The following PLXNA4 variants were observed in gnomAD, a reference collection of about 807,000 sequenced individuals.
PLXNA4 encodes the protein plexin-A4.
PLXNA4 carries 44 observed loss-of-function variants against 191.8 expected under a neutral mutation model. The ratio of observed to expected loss-of-function variants is 0.23; its 90% confidence interval spans 0.18 to 0.29. The LOEUF is 0.29. Ranked by LOEUF, PLXNA4 falls within the 10% of genes least tolerant of loss-of-function variation. The probability of loss-of-function intolerance (pLI) is 1.00; values close to 1 mark genes in which losing one functional copy is unlikely to be tolerated. For synonymous variants in PLXNA4, 1,082 were observed against 1,009.5 expected, an observed-to-expected ratio of 1.07 and a Z score of -1.36; for missense variants, 1,800 against 2,488.8, an observed-to-expected ratio of 0.72 and a Z score of 5.89.
At chr7:132,399,196 G>A (rs533923646) in intron 3 of PLXNA4, among the ~76,000 whole-genome samples, 1 of 152,220 alleles carries the variant, frequency 6.6e-6, no homozygotes, top group Admixed American at 6.5e-5. Context: ...GATTCAAATG[G>A]ATTCAAATGG....
At chr7:132,187,079 G>A (rs1055878781) in intron 15 of PLXNA4, among the ~76,000 whole-genome samples, 13 of 151,726 alleles carry the variant, frequency 8.6e-5, no homozygotes, top group Non-Finnish European at 1.6e-4. Flanking sequence ...CTAGTTCTGC[G>A]ATCCCACCCA....
chr7:132,360,655 C>T (rs922551266), intron 3 of PLXNA4, among the ~76,000 whole-genome samples: 1 of 152,154 alleles, frequency 6.6e-6, no homozygotes, highest in African/African-American at 2.4e-5. Flanking sequence ...GAAGAAGAGG[C>T]CCCAAACCCC....
At chr7:132,141,727 C>CTTTCTTTCTT (rs897740522) in intron 29 of PLXNA4, among the ~76,000 whole-genome samples, 5 of 151,928 alleles carry the variant, frequency 3.3e-5, no homozygotes, top group African/African-American at 1.2e-4. Flanking sequence ...CTTTCCTTTC[C>CTTTCTTTCTT]TTTCTTTCTT....
At position 132,126,731 on chromosome 7, in the gene PLXNA4, C is replaced by T. The variant is rs901938393; in HGVS notation, c.*3748G>A. On this transcript the variant is annotated 3_prime_UTR_variant, in exon 32 of 32. Transcript: ENST00000321063. ...TCACTTGTAGCTCCTCACAAGCAGC[C>T]AAGCTCACTTACCAGGCTGCGGGTG... 1.3e-5 allele frequency: 2 copies of T among 152,214 alleles called. No individual in the cohort carries two copies. Among genetic ancestry groups the T allele is most frequent in the Non-Finnish European group, 2.9e-5 (2 of 68,092 alleles). 9.4% of individuals were successfully genotyped at this position (152,214 alleles called of 1,614,324 possible).
intron 1 of PLXNA4, among the ~76,000 whole-genome samples, chr7:132,559,934 G>A (rs1242654710): frequency 1.3e-5 from 2 of 152,226 alleles, no homozygotes; most frequent in African/African-American, 4.8e-5. Context: ...TGAGAAACAG[G>A]GGGTAGAACC....
At chr7:132,394,226 A>T (rs1793652614) in intron 3 of PLXNA4, among the ~76,000 whole-genome samples, 2 of 152,184 alleles carry the variant, frequency 1.3e-5, no homozygotes, top group Admixed American at 6.5e-5. Flanking sequence ...GGGCCCAGCC[A>T]GTAGAGCTGC....
At position 132,127,782 on chromosome 7, in the gene PLXNA4, T is replaced by TTGTC. The variant is rs1794810337; in HGVS notation, c.*2693_*2696dup. On this transcript the variant is annotated 3_prime_UTR_variant, in exon 32 of 32. Transcript: ENST00000321063. Reference sequence around the variant, plus strand: ...GGACAGCCAGAAAATTTGTCTGTCCTTGTCTCCTCTTTCTTCCTAACCTTT... The same window carrying TTGTC: ...GGACAGCCAGAAAATTTGTCTGTCCTTGTCTGTCTCCTCTTTCTTCCTAACCTTT... 6.6e-6 allele frequency: 1 copy of TTGTC among 151,198 alleles called. No individual in the cohort carries two copies. The highest frequency in any genetic ancestry group is 6.6e-5 in the Admixed American group (1 of 15,258). The allele number at this position is 151,198 out of a possible 1,614,324, so 9.4% of individuals were successfully genotyped here.
intron 2 of PLXNA4, among the ~76,000 whole-genome samples, chr7:132,645,341 T>C (rs186512272): frequency 1.8e-4 from 28 of 152,220 alleles, no homozygotes; most frequent in Non-Finnish European, 1.8e-4. Context: ...AGTGAGTTCT[T>C]ATGAGACTTG....
At chr7:132,614,470 A>C (rs923807736) in intron 2 of PLXNA4, among the ~76,000 whole-genome samples, 6 of 152,234 alleles carry the variant, frequency 3.9e-5, no homozygotes, top group African/African-American at 1.4e-4. Context: ...ACTTGGAACA[A>C]GCGTATTTAA....
chr7:132,274,887 T>A (rs1054641179), intron 4 of PLXNA4, among the ~76,000 whole-genome samples: 1 of 150,954 alleles, frequency 6.6e-6, no homozygotes, highest in Admixed American at 6.6e-5. Context: ...GGATTACAGG[T>A]GAGAGCTATA....
chr7:132,594,466 T>C (rs993948479), intron 2 of PLXNA4, among the ~76,000 whole-genome samples: 1 of 152,216 alleles, frequency 6.6e-6, no homozygotes, highest in Non-Finnish European at 1.5e-5. Context: ...TACTTCATTA[T>C]GGCAATCCTA....
At chr7:132,405,964 T>C (rs1048077587) in intron 3 of PLXNA4, among the ~76,000 whole-genome samples, 1 of 152,198 alleles carries the variant, frequency 6.6e-6, no homozygotes, top group African/African-American at 2.4e-5. Flanking sequence ...TACATTGACT[T>C]AAAGCCATAC....
intron 1 of PLXNA4, among the ~76,000 whole-genome samples, chr7:132,575,631 T>G (rs1239330902): frequency 6.6e-6 from 1 of 152,200 alleles, no homozygotes. Flanking sequence ...GTCTGCTTGC[T>G]GCTAAGCAGG....
At chr7:132,558,139 G>C (rs1368079351) in intron 1 of PLXNA4, among the ~76,000 whole-genome samples, 1 of 152,176 alleles carries the variant, frequency 6.6e-6, no homozygotes, top group African/African-American at 2.4e-5. Context: ...GTGTACTACT[G>C]TCTGCACACA....
At chr7:132,425,275 G>A (rs1390023596) in intron 3 of PLXNA4, among the ~76,000 whole-genome samples, 1 of 152,066 alleles carries the variant, frequency 6.6e-6, no homozygotes, top group Admixed American at 6.5e-5. Flanking sequence ...CACCTAATTA[G>A]CCACTTTAAA....
At chr7:132,590,043 C>A (rs192244582) in intron 2 of PLXNA4, among the ~76,000 whole-genome samples, 1 of 152,256 alleles carries the variant, frequency 6.6e-6, no homozygotes, top group East Asian at 1.9e-4. Context: ...TAGAACTATG[C>A]AAGGGAAAGA....
intron 3 of PLXNA4, among the ~76,000 whole-genome samples, chr7:132,366,486 T>C (rs996548117): frequency 1.3e-5 from 2 of 151,906 alleles, no homozygotes; most frequent in African/African-American, 4.8e-5. Flanking sequence ...ATTGTGTGAC[T>C]GCACTCCAGC....
intron 2 of PLXNA4, among the ~76,000 whole-genome samples, chr7:132,610,461 C>T (rs1803023759): frequency 6.6e-6 from 1 of 152,182 alleles, no homozygotes; most frequent in Non-Finnish European, 1.5e-5. Context: ...TCTTCAGTCC[C>T]CTCTCAAAGG....
chr7:132,162,599 A>G (rs764334105), intron 24 of PLXNA4, among the ~76,000 whole-genome samples: 3 of 152,124 alleles, frequency 2.0e-5, no homozygotes, highest in Non-Finnish European at 2.9e-5. Flanking sequence ...CAGTACTTCT[A>G]TCTCATTAAG....
Sources: allele counts gnomAD v4.1 joint callset (sites outside exome capture counted in the v4.1 genomes callset), GRCh38; gene constraint gnomAD v4.1.1; transcripts MANE v1.5; gene names NCBI Gene and HGNC (gene_info 2026-07-23, HGNC 2026-07-21).